Variants in COL26A1 observed in about 807,000 individuals in gnomAD.
The protein encoded by COL26A1 is collagen alpha-1(XXVI) chain.
In COL26A1, 41 loss-of-function variants were observed where a neutral mutation model predicts 59.3. The observed-to-expected ratio is 0.69, with a 90% CI of 0.54 to 0.90. COL26A1 has a LOEUF of 0.90. COL26A1 is among the 40% of genes least tolerant of loss of function. COL26A1 has a pLI of 0.00. For missense variants in COL26A1, 612 were observed against 602.3 expected, an observed-to-expected ratio of 1.02 and a Z score of -0.17; for synonymous variants, 266 against 256.0, an observed-to-expected ratio of 1.04 and a Z score of -0.37.
intron 3 of COL26A1, among the ~76,000 whole-genome samples, chr7:101,483,492 A>T: frequency 6.7e-6 from 1 of 149,656 alleles, no homozygotes; most frequent in African/African-American, 2.5e-5. Flanking sequence ...CACTGTGCCC[A>T]GCCTTTTTAA....
intron 1 of COL26A1, among the ~76,000 whole-genome samples, chr7:101,411,679 G>T (rs1562967012): frequency 6.6e-6 from 1 of 152,124 alleles, no homozygotes; most frequent in Non-Finnish European, 1.5e-5. Context: ...TGTGTGTACT[G>T]CAGTGTCCTG....
At chr7:101,525,708 G>C (rs1053357417) in intron 3 of COL26A1, among the ~76,000 whole-genome samples, 1 of 151,912 alleles carries the variant, frequency 6.6e-6, no homozygotes, top group African/African-American at 2.4e-5. Context: ...GTGTTAGCCA[G>C]GATGGTCTCG....
At chr7:101,470,063 T>G (rs1402030278) in intron 3 of COL26A1, among the ~76,000 whole-genome samples, 1 of 151,376 alleles carries the variant, frequency 6.6e-6, no homozygotes, top group Non-Finnish European at 1.5e-5. Context: ...CTCTCTCTGC[T>G]GCAGAGAGAG....
intron 2 of COL26A1, among the ~76,000 whole-genome samples, chr7:101,443,878 T>C (rs1010884829): frequency 1.3e-5 from 2 of 150,436 alleles, no homozygotes; most frequent in East Asian, 1.9e-4. Flanking sequence ...TTTTCTTTTT[T>C]TTTTTTTTTT....
chr7:101,546,203 T>A (rs770797236), intron 7 of COL26A1, among the ~76,000 whole-genome samples: 4 of 152,096 alleles, frequency 2.6e-5, no homozygotes, highest in Non-Finnish European at 5.9e-5. Flanking sequence ...GAGAGGAGCA[T>A]CATTTCTGGT....
chr7:101,501,185 C>CAAAAAAAAAAAAAA (rs58672929), intron 3 of COL26A1, among the ~76,000 whole-genome samples: 5 of 74,440 alleles, frequency 6.7e-5, no homozygotes, highest in African/African-American at 9.9e-5. Context: ...GACTCCGTCT[C>CAAAAAAAAAAAAAA]AAAAAAAAAA....
Position 101,439,625 on chromosome 7 carries a change from A to G in COL26A1, c.282-8059A>G, listed in dbSNP as rs1038084749. 2.0e-5 allele frequency among the ~76,000 whole-genome samples: 3 copies of G among 151,156 alleles called. No individual in the cohort carries two copies. In the East Asian group the frequency reaches 5.8e-4, roughly 29 times the overall value. On this transcript the variant is annotated intron_variant, in intron 2 of 12. Coordinates refer to ENST00000313669, the MANE Select transcript of COL26A1 (RefSeq NM_001278563.3). ...GAGAAGACCAGTGTGGCTGGAAAACAAAGTCACCTGCGAGGCCAGGGAGGA... is the reference window on the plus strand; with the variant it reads ...GAGAAGACCAGTGTGGCTGGAAAACGAAGTCACCTGCGAGGCCAGGGAGGA...
At chr7:101,438,400 G>A (rs1435913017) in intron 2 of COL26A1, among the ~76,000 whole-genome samples, 2 of 151,442 alleles carry the variant, frequency 1.3e-5, no homozygotes, top group African/African-American at 2.4e-5. Context: ...CAACAAAAAA[G>A]CATCACTTGG....
intron 2 of COL26A1, among the ~76,000 whole-genome samples, chr7:101,436,596 G>A (rs1792921279): frequency 6.6e-6 from 1 of 152,104 alleles, no homozygotes; most frequent in Non-Finnish European, 1.5e-5. Context: ...CCGCACCCGA[G>A]GCAGGACTTC....
chr7:101,383,723 C>T (rs1791501735), intron 1 of COL26A1, among the ~76,000 whole-genome samples: 1 of 152,130 alleles, frequency 6.6e-6, no homozygotes, highest in African/African-American at 2.4e-5. Context: ...TTAGTAGAGA[C>T]AGGGTTTCGC....
Position 101,453,706 on chromosome 7 carries a change from GC to G in COL26A1, c.385+5920del, listed in dbSNP as rs572454717. On this transcript the variant is annotated intron_variant, in intron 3 of 12. Coordinates refer to ENST00000313669, the MANE Select transcript of COL26A1 (RefSeq NM_001278563.3). Reference sequence around the variant, plus strand: ...AGAATTCCTGGGAGTCTGAGCCTGGGCTGAGTTTGGGATCGGCTCCTGAAAA... The same window carrying G: ...AGAATTCCTGGGAGTCTGAGCCTGGGTGAGTTTGGGATCGGCTCCTGAAAA... Among the ~76,000 whole-genome samples the G allele has an allele frequency of 3.2e-3, 482 of 152,308 alleles. 3 individuals are homozygous for G. Among genetic ancestry groups the G allele is most frequent in the Admixed American group, 4.5e-3 (69 of 15,284 alleles).
chr7:101,522,896 G>A (rs771379595), intron 3 of COL26A1, among the ~76,000 whole-genome samples: 10 of 151,488 alleles, frequency 6.6e-5, no homozygotes, highest in Non-Finnish European at 1.3e-4. Flanking sequence ...GTATCACATT[G>A]TGGTTTAATT....
At chr7:101,394,195 C>A (rs1791799996) in intron 1 of COL26A1, among the ~76,000 whole-genome samples, 1 of 152,028 alleles carries the variant, frequency 6.6e-6, no homozygotes, top group African/African-American at 2.4e-5. Flanking sequence ...ACCATGGAAA[C>A]CAGAGGTTGG....
intron 3 of COL26A1, among the ~76,000 whole-genome samples, chr7:101,525,129 G>A (rs984349111): frequency 1.3e-5 from 2 of 150,004 alleles, no homozygotes; most frequent in Non-Finnish European, 3.0e-5. Context: ...GAGCAAGAGT[G>A]CTGAGATAGT....
intron 3 of COL26A1, among the ~76,000 whole-genome samples, chr7:101,492,658 C>G (rs1794486965): frequency 6.6e-6 from 1 of 151,162 alleles, no homozygotes; most frequent in Admixed American, 6.6e-5. Context: ...GATCATGCCA[C>G]TGCACTCCAG....
intron 2 of COL26A1, among the ~76,000 whole-genome samples, chr7:101,423,740 A>G (rs1792579901): frequency 6.6e-6 from 1 of 151,984 alleles, no homozygotes; most frequent in South Asian, 2.1e-4. Flanking sequence ...GTCGCAAAAA[A>G]AAAGAAGGAC....
chr7:101,456,425 A>G (rs1055012482), intron 3 of COL26A1, among the ~76,000 whole-genome samples: 1 of 151,930 alleles, frequency 6.6e-6, no homozygotes, highest in African/African-American at 2.4e-5. Flanking sequence ...CTGTAATCCC[A>G]GCACTTTGGG....
At chr7:101,370,461 C>T (rs1249776662) in intron 1 of COL26A1, among the ~76,000 whole-genome samples, 1 of 152,104 alleles carries the variant, frequency 6.6e-6, no homozygotes, top group Non-Finnish European at 1.5e-5. Flanking sequence ...ACCTCCGCTT[C>T]CCAGGTTGAA....
intron 1 of COL26A1, among the ~76,000 whole-genome samples, chr7:101,391,191 G>GA (rs1224411876): frequency 1.3e-5 from 2 of 152,220 alleles, no homozygotes; most frequent in African/African-American, 2.4e-5. Context: ...GGTTCTGGGG[G>GA]CAAGGCAGGA....
Sources: allele counts gnomAD v4.1 joint callset (sites outside exome capture counted in the v4.1 genomes callset), GRCh38; gene constraint gnomAD v4.1.1; transcripts MANE v1.5; gene names NCBI Gene and HGNC (gene_info 2026-07-23, HGNC 2026-07-21).